Variants in PTPRD observed in about 807,000 individuals in gnomAD.
PTPRD encodes the protein protein tyrosine phosphatase receptor type D.
In PTPRD, 34 loss-of-function variants were observed where a neutral mutation model predicts 214.5. The observed-to-expected ratio is 0.16, with a 90% confidence interval of 0.12 to 0.21. The LOEUF (loss-of-function observed/expected upper bound fraction) is 0.21, where lower values mean the gene tolerates loss of function less well. PTPRD is among the 10% of genes least tolerant of loss of function. PTPRD has a pLI of 1.00. For missense variants in PTPRD, 2,545 were observed against 2,398.7 expected, an observed-to-expected ratio of 1.06 and a Z score of -1.27; for synonymous variants, 1,128 against 845.7, an observed-to-expected ratio of 1.33 and a Z score of -5.79.
chr9:8,520,803 G>A (rs1304279345), intron 20 of PTPRD, among the ~76,000 whole-genome samples: 1 of 151,996 alleles, frequency 6.6e-6, no homozygotes, highest in African/African-American at 2.4e-5. Flanking sequence ...TAATAGTAGG[G>A]CTCACCAAAA....
chr9:9,100,171 C>T (rs995254673), intron 10 of PTPRD, among the ~76,000 whole-genome samples: 1 of 151,994 alleles, frequency 6.6e-6, no homozygotes, highest in Non-Finnish European at 1.5e-5. Flanking sequence ...AGCATGTGTT[C>T]CTGGGTAGTG....
chr9:9,820,848 G>C (rs1426732321), intron 5 of PTPRD, among the ~76,000 whole-genome samples: 1 of 152,052 alleles, frequency 6.6e-6, no homozygotes, highest in Non-Finnish European at 1.5e-5. Context: ...TTATGTGTCT[G>C]TTTTTGTACC....
intron 3 of PTPRD, among the ~76,000 whole-genome samples, chr9:10,270,304 C>A (rs1351197327): frequency 6.6e-6 from 1 of 152,024 alleles, no homozygotes; most frequent in Non-Finnish European, 1.5e-5. Flanking sequence ...GCTGATATAG[C>A]ATTCATATTA....
chr9:8,878,919 C>CTGGT (rs2098418577), intron 11 of PTPRD, among the ~76,000 whole-genome samples: 1 of 152,166 alleles, frequency 6.6e-6, no homozygotes, highest in Admixed American at 6.5e-5. Context: ...CCTGGTGACT[C>CTGGT]TGGTTAGATG....
At chr9:9,441,210 G>C (rs1432120417) in intron 8 of PTPRD, among the ~76,000 whole-genome samples, 1 of 152,170 alleles carries the variant, frequency 6.6e-6, no homozygotes, top group African/African-American at 2.4e-5. Flanking sequence ...AGGCAGCTGA[G>C]CAACAAGCCT....
intron 2 of PTPRD, among the ~76,000 whole-genome samples, chr9:10,506,479 T>C (rs2046005485): frequency 6.6e-6 from 1 of 152,136 alleles, no homozygotes; most frequent in Non-Finnish European, 1.5e-5. Context: ...ATAGTATAAT[T>C]GGATTGTTTG....
chr9:10,593,702 A>C (rs2076023460), intron 2 of PTPRD, among the ~76,000 whole-genome samples: 1 of 152,000 alleles, frequency 6.6e-6, no homozygotes, highest in Non-Finnish European at 1.5e-5. Context: ...TTTGGCAGAC[A>C]ACATTTTTTA....
chr9:9,474,125 GA>G (rs2094839966), intron 8 of PTPRD, among the ~76,000 whole-genome samples: 1 of 152,004 alleles, frequency 6.6e-6, no homozygotes, highest in African/African-American at 2.4e-5. Flanking sequence ...ATTTTCAGTT[GA>G]TTTTTGTAGA....
At chr9:8,740,954 C>T (rs989164031) in intron 11 of PTPRD, among the ~76,000 whole-genome samples, 3 of 151,928 alleles carry the variant, frequency 2.0e-5, no homozygotes, top group Admixed American at 1.3e-4. Context: ...TTAAAAGATC[C>T]CTTATATGCC....
At chr9:10,140,101 T>C (rs2382193) in intron 3 of PTPRD, among the ~76,000 whole-genome samples, 1 of 151,832 alleles carries the variant, frequency 6.6e-6, no homozygotes, top group Non-Finnish European at 1.5e-5. Context: ...GAAGAAGCTC[T>C]GACAATCTGT....
chr9:8,850,741 T>A (rs984185029), intron 11 of PTPRD, among the ~76,000 whole-genome samples: 1 of 152,192 alleles, frequency 6.6e-6, no homozygotes, highest in Non-Finnish European at 1.5e-5. Context: ...TGAATTGGTT[T>A]TTCTCTCAAA....
At chr9:9,277,082 A>G (rs1945939985) in intron 9 of PTPRD, among the ~76,000 whole-genome samples, 1 of 151,238 alleles carries the variant, frequency 6.6e-6, no homozygotes, top group East Asian at 2.0e-4. Flanking sequence ...CTACAATTCA[A>G]TCCCTTGTCT....
At chr9:9,514,476 C>T (rs1417521076) in intron 8 of PTPRD, among the ~76,000 whole-genome samples, 1 of 152,000 alleles carries the variant, frequency 6.6e-6, no homozygotes, top group East Asian at 1.9e-4. Context: ...TACATTGTTC[C>T]TTAGGAAGTA....
intron 9 of PTPRD, among the ~76,000 whole-genome samples, chr9:9,349,679 C>T (rs12156538): frequency 1.3e-5 from 2 of 151,374 alleles, no homozygotes; most frequent in South Asian, 4.2e-4. Flanking sequence ...ACACTCATCA[C>T]CTCCAGTGAT....
At chr9:9,285,052 C>T (rs890173788) in intron 9 of PTPRD, among the ~76,000 whole-genome samples, 1 of 151,708 alleles carries the variant, frequency 6.6e-6, no homozygotes, top group African/African-American at 2.4e-5. Flanking sequence ...CTAAAAATAA[C>T]ATTCCATTTC....
At chr9:10,226,840 T>C (rs911999146) in intron 3 of PTPRD, among the ~76,000 whole-genome samples, 2 of 152,050 alleles carry the variant, frequency 1.3e-5, no homozygotes, top group Non-Finnish European at 2.9e-5. Context: ...CTACGTCTAA[T>C]TGCCTGTATA....
chr9:10,599,607 A>G (rs1301651338), intron 2 of PTPRD, among the ~76,000 whole-genome samples: 1 of 151,804 alleles, frequency 6.6e-6, no homozygotes, highest in African/African-American at 2.4e-5. Context: ...ACTGTTTGCC[A>G]GGACAAATAT....
At chr9:9,451,727 A>C (rs2092236678) in intron 8 of PTPRD, among the ~76,000 whole-genome samples, 7 of 151,664 alleles carry the variant, frequency 4.6e-5, no homozygotes, top group Admixed American at 4.6e-4. Flanking sequence ...AGGAGTTAGA[A>C]AGCATTAAAT....
At chr9:10,176,125 C>A (rs2099247132) in intron 3 of PTPRD, among the ~76,000 whole-genome samples, 1 of 151,850 alleles carries the variant, frequency 6.6e-6, no homozygotes, top group Admixed American at 6.6e-5. Context: ...TAAATTGTTA[C>A]ATTACTTTAA....
Sources: gnomAD v4.1 joint callset for allele counts (sites outside exome capture counted in the v4.1 genomes callset) on GRCh38, gnomAD v4.1.1 for gene constraint, MANE v1.5 for transcripts, NCBI Gene and HGNC (gene_info 2026-07-23, HGNC 2026-07-21) for gene names.